Variants in COA5 observed in about 807,000 individuals in gnomAD.
The protein encoded by COA5 is cytochrome c oxidase assembly factor 5, also known as protein C2orf64.
A neutral mutation model predicts 11.8 loss-of-function variants in COA5; 11 were observed. The observed-to-expected ratio is 0.93, with a 90% CI of 0.59 to 1.54. The LOEUF is 1.54. Ranked by LOEUF, COA5 falls within the 40% of genes most tolerant of loss-of-function variation. The pLI is 0.00. For synonymous variants in COA5, 38 were observed against 37.5 expected, an observed-to-expected ratio of 1.01 and a Z score of -0.05; for missense variants, 87 against 89.2, an observed-to-expected ratio of 0.97 and a Z score of 0.10.
Position 98,606,304 on chromosome 2 carries a change from T to A in COA5, c.99+2003A>T, listed in dbSNP as rs529762096. Among the ~76,000 whole-genome samples the A allele has an allele frequency of 3.3e-5, 5 of 152,322 alleles. No homozygotes were observed. The South Asian group carries it at 1.0e-3, about 32-fold the overall frequency. On this transcript the variant is annotated intron_variant, in intron 1 of 2. Transcript: ENST00000328709. ...TAGCTGCCAACAGATTGTAGGAGAT[T>A]GTTCTGGACCTGCAAACCTCCTCAC...
chr2:98,606,421 G>A (rs552468075), intron 1 of COA5, among the ~76,000 whole-genome samples: 1 of 152,318 alleles, frequency 6.6e-6, no homozygotes, highest in East Asian at 1.9e-4. Flanking sequence ...CTGCTTATAA[G>A]CATCACGTTT....
Position 98,600,681 on chromosome 2 carries a change from GT to G in COA5, c.*70del. On this transcript the variant is annotated 3_prime_UTR_variant, in exon 3 of 3. Transcript: ENST00000328709. ...AGATGTAGTAAAAAGTATGTTTCCTGTTTTGGCTTCTTTGTGTTAATGACCA... is the reference window on the plus strand; with the variant it reads ...AGATGTAGTAAAAAGTATGTTTCCTGTTTGGCTTCTTTGTGTTAATGACCA... The G allele has an allele frequency of 7.4e-7, 1 of 1,353,230 alleles. No individual in the cohort carries two copies. Among genetic ancestry groups the G allele is most frequent in the Non-Finnish European group, 1.0e-6 (1 of 956,474 alleles). The allele number at this position is 1,353,230 out of a possible 1,614,324, so 83.8% of individuals were successfully genotyped here.
chr2:98,606,348 C>G (rs966144113), intron 1 of COA5, among the ~76,000 whole-genome samples: 1 of 152,192 alleles, frequency 6.6e-6, no homozygotes. Context: ...TTTTACAATC[C>G]AGCTGAAGTC....
intron 1 of COA5, among the ~76,000 whole-genome samples, chr2:98,605,241 A>T (rs1001921705): frequency 6.6e-6 from 1 of 152,154 alleles, no homozygotes; most frequent in African/African-American, 2.4e-5. Context: ...ACGCCCTTGC[A>T]TCTAGCTGTG....
chr2:98,608,312 C>G lies in COA5; in HGVS notation c.94G>C (p.Val32Leu), dbSNP rs1357418044. Residue 32 changes from valine to leucine, a missense_variant, in exon 1 of 3, where the codon GTC becomes CTC. Coordinates refer to ENST00000328709, the MANE Select transcript of COA5 (RefSeq NM_001008215.3). ...GGAGCGCCCGGCCGCGCTACCTGGA[C>G]CACACAGTCCGACTGCAGCAGACAC... ...GACLLQSDCV[V>L]QEGKSPRQCL... The G allele has an allele frequency of 6.2e-7, 1 of 1,602,476 alleles. No homozygotes were observed. Among genetic ancestry groups the G allele is most frequent in the African/African-American group, 1.3e-5 (1 of 74,908 alleles).
At chr2:98,603,550 A>T (rs1231448919) in intron 2 of COA5, among the ~76,000 whole-genome samples, 1 of 152,216 alleles carries the variant, frequency 6.6e-6, no homozygotes, top group Non-Finnish European at 1.5e-5. Flanking sequence ...TGGGATGCTC[A>T]TATTTTTGGT....
At chr2:98,605,653 A>C (rs1465351456) in intron 1 of COA5, 1 of 152,284 alleles carries the variant, frequency 6.6e-6, no homozygotes, top group Non-Finnish European at 1.5e-5. Context: ...AAGATCAGTC[A>C]GTGCTCTCAA....
chr2:98,604,055 C>T (rs937193769), intron 2 of COA5, 53 bp downstream of exon 2: 58 of 1,350,066 alleles, frequency 4.3e-5, no homozygotes, highest in Non-Finnish European at 5.4e-5. Flanking sequence ...ATATATTTAA[C>T]CTCCCTATAG....
At chr2:98,602,081 A>G (rs1213387574) in intron 2 of COA5, among the ~76,000 whole-genome samples, 4 of 152,170 alleles carry the variant, frequency 2.6e-5, no homozygotes, top group Non-Finnish European at 5.9e-5. Context: ...AGCACTAGGT[A>G]AAGTAGCTAA....
intron 2 of COA5, 30 bp from the exon 3 acceptor site, chr2:98,600,823 T>G (rs771567579): frequency 1.4e-6 from 2 of 1,443,218 alleles, no homozygotes; most frequent in African/African-American, 2.8e-5. Flanking sequence ...TAAATCAAAT[T>G]TGGTACAATG....
rs1700744633 is a variant in COA5, at chr2:98,608,455, T to C, written c.-50A>G. On this transcript the variant is annotated 5_prime_UTR_variant, in exon 1 of 3. Transcript: ENST00000328709. ...ACGCGACTTTCTCCCACCGCAACAC[T>C]TGCAACCGGGTCGGGAGCGAGCGAG... is the stretch of plus-strand genomic sequence containing the variant. 3.6e-6 allele frequency: 5 copies of C among 1,397,178 alleles called. No homozygotes were observed. Among genetic ancestry groups the C allele is most frequent in the Middle Eastern group, 1.7e-4 (1 of 5,740 alleles). The allele number at this position is 1,397,178 out of a possible 1,614,324, so 86.5% of individuals were successfully genotyped here. A position where few individuals can be genotyped will look rare whatever the true frequency, so the allele number is the denominator to read the frequency against.
At chr2:98,608,113 T>A (rs1700735296) in intron 1 of COA5, 194 bp downstream of exon 1, 4 of 609,084 alleles carry the variant, frequency 6.6e-6, no homozygotes, top group Middle Eastern at 4.3e-4. Flanking sequence ...TTTATCGTTA[T>A]CTCCGATTTA....
rs144355306 is a variant in COA5, at chr2:98,602,838, G to A, written c.183+1270C>T. On this transcript the variant is annotated intron_variant, in intron 2 of 2. Transcript: ENST00000328709. ...AATCTGACTTCGTTCTTTGGAGATC[G>A]AAGACTGAGCTTTAGGTAGAGAATT... 3.0e-3 allele frequency among the ~76,000 whole-genome samples: 457 copies of A among 152,230 alleles called. 6 individuals carry two copies. The highest frequency in any genetic ancestry group is 0.011 in the African/African-American group (437 of 41,528).
chr2:98,605,333 C>T (rs1487779929), intron 1 of COA5, among the ~76,000 whole-genome samples: 1 of 152,194 alleles, frequency 6.6e-6, no homozygotes, highest in Non-Finnish European at 1.5e-5. Context: ...GAGGCTTGCC[C>T]CTTTCCTCAC....
chr2:98,603,013 C>T (rs1700662903), intron 2 of COA5, among the ~76,000 whole-genome samples: 1 of 152,190 alleles, frequency 6.6e-6, no homozygotes, highest in South Asian at 2.1e-4. Flanking sequence ...AGAAAGTAAA[C>T]AGAGCAGGGC....
In COA5 at chr2:98,608,358, G is replaced by A; in HGVS notation, c.48C>T (p.Gly16=). Residue 16 remains glycine (G), a synonymous_variant, in exon 1 of 3, where the codon GGC becomes GGT. Transcript: ENST00000328709. The part of the protein sequence containing the change: ...EDKPQGGACA[G]LKEDLGACLL... ...GACACGCGCCCAGGTCCTCCTTCAG[G>A]CCCGCGCACGCGCCGCCCTGCGGCT... 1 of 1,609,708 alleles carries A rather than the reference G, an allele frequency of 6.2e-7. No individual in the cohort carries two copies. Among genetic ancestry groups the A allele is most frequent in the Non-Finnish European group, 8.5e-7 (1 of 1,178,878 alleles).
In COA5 at chr2:98,600,690, T is replaced by G; in HGVS notation, c.*62A>C. 1 of 1,474,564 alleles carries G rather than the reference T, an allele frequency of 6.8e-7. No homozygotes were observed. The highest frequency in any genetic ancestry group is 9.4e-7 in the Non-Finnish European group (1 of 1,063,222). 91.3% of individuals were successfully genotyped at this position (1,474,564 alleles called of 1,614,324 possible). On this transcript the variant is annotated 3_prime_UTR_variant, in exon 3 of 3. Transcript: ENST00000328709. Reference sequence around the variant, plus strand: ...AAAAAGTATGTTTCCTGTTTTGGCTTCTTTGTGTTAATGACCAGGGAAAAT... The same window carrying G: ...AAAAAGTATGTTTCCTGTTTTGGCTGCTTTGTGTTAATGACCAGGGAAAAT...
chr2:98,604,676 C>T (rs1422358430), intron 1 of COA5: 1 of 164,592 alleles, frequency 6.1e-6, no homozygotes, highest in East Asian at 1.8e-4. Context: ...GATTTTCCCT[C>T]AAGCAGATTT....
intron 1 of COA5, among the ~76,000 whole-genome samples, chr2:98,605,428 A>G (rs1700694590): frequency 6.6e-6 from 1 of 152,186 alleles, no homozygotes; most frequent in Non-Finnish European, 1.5e-5. Flanking sequence ...CCTACTTGCT[A>G]TATTTTCCTA....
Sources: allele counts gnomAD v4.1 joint callset (sites outside exome capture counted in the v4.1 genomes callset), GRCh38; gene constraint gnomAD v4.1.1; transcripts MANE v1.5; gene names NCBI Gene and HGNC (gene_info 2026-07-23, HGNC 2026-07-21).